The following SLC13A1 variants were observed in gnomAD, a reference collection of about 807,000 sequenced individuals.
The protein encoded by SLC13A1 is solute carrier family 13 member 1.
In SLC13A1, 65 loss-of-function variants were observed where a neutral mutation model predicts 70.0. That is an observed-to-expected ratio of 0.93 (90% confidence interval 0.76 to 1.14). SLC13A1 has a LOEUF of 1.14. Ranked by LOEUF, SLC13A1 falls within the 50% of genes most tolerant of loss-of-function variation. The pLI, the probability that SLC13A1 is intolerant of heterozygous loss-of-function variation, is 0.00. For missense variants in SLC13A1, 726 were observed against 717.8 expected (o/e 1.01, Z -0.13); for synonymous variants, 275 against 250.5 (o/e 1.10, Z -0.92).
intron 6 of SLC13A1, among the ~76,000 whole-genome samples, chr7:123,164,995 AG>A (rs1349662994): frequency 6.6e-6 from 1 of 152,196 alleles, no homozygotes; most frequent in African/African-American, 2.4e-5. Context: ...TCAAGAAGAA[AG>A]CATAAGATCA....
At chr7:123,176,046 T>C (rs1795437020) in intron 2 of SLC13A1, among the ~76,000 whole-genome samples, 1 of 152,236 alleles carries the variant, frequency 6.6e-6, no homozygotes, top group Non-Finnish European at 1.5e-5. Flanking sequence ...TGAATGACTA[T>C]GGATTTGTCC....
chr7:123,139,837 A>G (rs1287870883), intron 7 of SLC13A1, among the ~76,000 whole-genome samples: 1 of 152,052 alleles, frequency 6.6e-6, no homozygotes, highest in African/African-American at 2.4e-5. Flanking sequence ...TTTTCCAAAT[A>G]TCAGATCATA....
intron 8 of SLC13A1, among the ~76,000 whole-genome samples, chr7:123,131,099 A>T (rs1793742299): frequency 6.6e-6 from 1 of 152,198 alleles, no homozygotes; most frequent in Admixed American, 6.6e-5. Context: ...TTCGTAAAGT[A>T]TCTGGGGCAA....
chr7:123,174,813 A>G (rs530724402), intron 2 of SLC13A1, among the ~76,000 whole-genome samples: 78 of 151,888 alleles, frequency 5.1e-4, no homozygotes, highest in African/African-American at 1.7e-3. Flanking sequence ...TCTTCTTCCT[A>G]TGTATTTAGT....
intron 9 of SLC13A1, 41 bp from the exon 10 acceptor site, chr7:123,128,987 G>T: frequency 2.2e-6 from 3 of 1,358,112 alleles, no homozygotes; most frequent in Non-Finnish European, 3.2e-6. Context: ...TATTTTCTCA[G>T]TCGGGACATT....
chr7:123,140,816 G>T (rs933739469), intron 7 of SLC13A1, among the ~76,000 whole-genome samples: 1 of 151,560 alleles, frequency 6.6e-6, no homozygotes, highest in East Asian at 1.9e-4. Context: ...CTTTTCTCTT[G>T]CTTTCTTAGT....
At chr7:123,147,381 CA>C in intron 6 of SLC13A1, 71 bp from the exon 7 acceptor site, 1 of 1,496,840 alleles carries the variant, frequency 6.7e-7, no homozygotes, top group Non-Finnish European at 9.1e-7. Context: ...ATTTGTGTCC[CA>C]CCACCCGCAC....
intron 13 of SLC13A1, among the ~76,000 whole-genome samples, chr7:123,118,551 C>T (rs1303085333): frequency 6.6e-6 from 1 of 152,012 alleles, no homozygotes; most frequent in Admixed American, 6.6e-5. Context: ...ACATTCTTTC[C>T]CTCTCTCTTT....
chr7:123,176,794 C>T (rs1048631810), intron 2 of SLC13A1, among the ~76,000 whole-genome samples: 1 of 152,128 alleles, frequency 6.6e-6, no homozygotes, highest in Non-Finnish European at 1.5e-5. Flanking sequence ...TGGTTCTCCT[C>T]CTACCTCAAT....
chr7:123,142,660 G>GAGTCTTACTTTATTTCCC (rs140530822), intron 7 of SLC13A1, among the ~76,000 whole-genome samples: 1 of 132,690 alleles, frequency 7.5e-6, no homozygotes, highest in African/African-American at 2.9e-5. Flanking sequence ...TTTTTTGATG[G>GAGTCTTACTTTATTTCCC]AGGCTGGAGT....
At chr7:123,126,881 C>T (rs955008645) in intron 10 of SLC13A1, among the ~76,000 whole-genome samples, 2 of 151,958 alleles carry the variant, frequency 1.3e-5, no homozygotes, top group African/African-American at 4.8e-5. Context: ...ACATTGAATT[C>T]AGTCCAGGTA....
intron 12 of SLC13A1, 150 bp downstream of exon 12, chr7:123,122,976 A>G: frequency 1.7e-6 from 1 of 598,802 alleles, no homozygotes; most frequent in African/African-American, 1.8e-5. Context: ...AACTCATCTC[A>G]TTTGTGTGGT....
At chr7:123,154,710 T>C (rs1403038451) in intron 6 of SLC13A1, among the ~76,000 whole-genome samples, 2 of 152,094 alleles carry the variant, frequency 1.3e-5, no homozygotes, top group Non-Finnish European at 2.9e-5. Context: ...GTCCCAAATA[T>C]TCCCTGGTTG....
intron 12 of SLC13A1, among the ~76,000 whole-genome samples, chr7:123,120,243 G>A (rs568432002): frequency 1.3e-4 from 19 of 151,920 alleles, no homozygotes; most frequent in African/African-American, 2.2e-4. Context: ...TTGCATTGGG[G>A]GAGCACTTCC....
At position 123,123,312 on chromosome 7, in the gene SLC13A1, C is replaced by T. The variant is rs549264883; in HGVS notation, c.1241-77G>A. The T allele has an allele frequency of 8.6e-4, 770 of 892,834 alleles. 2 individuals are homozygous for T. Among genetic ancestry groups the T allele is most frequent in the Non-Finnish European group, 7.6e-4 (404 of 531,786 alleles). 55.3% of individuals were successfully genotyped at this position (892,834 alleles called of 1,614,324 possible). On this transcript the variant is annotated intron_variant, in intron 11 of 14. Transcript: ENST00000194130. ...ACATTTGCTTCAGCATCCTAAGTAG[C>T]CATCTTACAGGAAGTTTGTAATATT...
intron 6 of SLC13A1, chr7:123,149,631 G>C (rs926906296): frequency 3.3e-5 from 15 of 456,266 alleles, no homozygotes; most frequent in Non-Finnish European, 6.6e-5. Flanking sequence ...CTGTGGAAAT[G>C]AAATGCAAAA....
chr7:123,170,115 G>C (rs1186059636), intron 3 of SLC13A1, among the ~76,000 whole-genome samples: 3 of 152,080 alleles, frequency 2.0e-5, no homozygotes, highest in Non-Finnish European at 4.4e-5. Context: ...GGAAAAAAAT[G>C]ATCTCTTTTG....
chr7:123,199,900 A>T lies in SLC13A1; in HGVS notation c.47T>A (p.Val16Glu). 2 of 1,613,148 alleles carry T rather than the reference A, an allele frequency of 1.2e-6. No homozygotes were observed. Among genetic ancestry groups the T allele is most frequent in the Non-Finnish European group, 1.7e-6 (2 of 1,179,410 alleles). Residue 16 changes from valine (V) to glutamate (E), a missense_variant, in exon 1 of 15, where the codon GTG becomes GAG. Physicochemically the swap from Val to Glu is moderately radical, Grantham distance 121. Transcript: ENST00000194130. ...TAGTAAAACCAACACAGTGAAAACC[A>T]CGAAGAGAAATCGGCGATAAACCAG... ...YILVYRRFLF[V>E]VFTVLVLLPL...
In SLC13A1 at chr7:123,178,950, G is replaced by A. The variant is rs960684799; in HGVS notation, c.228+2023C>T. The stretch of plus-strand genomic sequence containing the variant: ...AATAATAACATTGGCTAACATATAT[G>A]GAGTACTTACTATGTAATGAAATTT... On this transcript the variant is annotated intron_variant, in intron 2 of 14. Coordinates refer to ENST00000194130, the MANE Select transcript of SLC13A1 (RefSeq NM_022444.4). Among the ~76,000 whole-genome samples the A allele has an allele frequency of 2.6e-5, 4 of 152,090 alleles. No individual in the cohort carries two copies. The East Asian group carries it at 5.8e-4, about 22-fold the overall frequency.
Sources: gnomAD v4.1 joint callset for allele counts (sites outside exome capture counted in the v4.1 genomes callset) on GRCh38, gnomAD v4.1.1 for gene constraint, MANE v1.5 for transcripts, NCBI Gene and HGNC (gene_info 2026-07-23, HGNC 2026-07-21) for gene names.